SH2B1: variants seen among roughly 807,000 people sequenced by gnomAD.
SH2B1 encodes the protein SH2B adaptor protein 1.
In SH2B1, 15 loss-of-function variants were observed where a neutral mutation model predicts 62.6. The observed-to-expected ratio is 0.24, with a 90% CI of 0.16 to 0.37. The LOEUF is 0.37. SH2B1 is among the 10% of genes least tolerant of loss of function. The probability of loss-of-function intolerance (pLI) is 1.00; values close to 1 mark genes in which losing one functional copy is unlikely to be tolerated. For missense variants in SH2B1, 925 were observed against 1,015.6 expected (o/e 0.91, Z 1.21); for synonymous variants, 443 against 438.0 (o/e 1.01, Z -0.14).
chr16:28,873,325 G>C lies in SH2B1; in HGVS notation c.1898-122G>C. 1 of 1,592,804 alleles carries C rather than the reference G, an allele frequency of 6.3e-7. No homozygotes were observed. The highest frequency in any genetic ancestry group is 1.1e-5 in the South Asian group (1 of 89,954). On this transcript the variant is annotated intron_variant, in intron 7 of 7. Transcript: ENST00000684370. This position sits in a 1 kb window ranked among gnomAD's most constrained non-coding sequence, Gnocchi z 4.2. ...ATGATCCATCTTCCATGGATGGGGG[G>C]TTGCTCAGGAGATGGGATGTGGGGA...
intron 1 of SH2B1, among the ~76,000 whole-genome samples, chr16:28,852,705 T>C (rs1269962881): frequency 4.1e-5 from 3 of 73,402 alleles, no homozygotes; most frequent in African/African-American, 5.3e-5. Flanking sequence ...TATATATACA[T>C]ATATATTTAC....
chr16:28,873,653 G>A lies in SH2B1; in HGVS notation c.2104G>A (p.Val702Ile). The change falls in exon 8 of 8, where the codon GTT becomes ATT. Residue 702 changes from valine to isoleucine, a missense_variant. This residue lies in a region of SH2B1 where 185 missense variants were observed against 189.5 expected (regional missense o/e 0.98). Coordinates refer to ENST00000684370, the MANE Select transcript of SH2B1 (RefSeq NM_001387430.1). This position sits in a 1 kb window ranked among gnomAD's most constrained non-coding sequence, Gnocchi z 4.2. ...CCCCGTGGTTGAGCTGGTCCCCGTG[G>A]TTGAATTGGAAGAGGCCATAGCCCC... ...LVPVVELVPV[V>I]ELEEAIAPGS... 1 of 1,533,414 alleles carries A rather than the reference G, an allele frequency of 6.5e-7. No individual in the cohort carries two copies. Among genetic ancestry groups the A allele is most frequent in the East Asian group, 2.4e-5 (1 of 40,864 alleles). 95.0% of individuals were successfully genotyped at this position (1,533,414 alleles called of 1,614,324 possible). A position where few individuals can be genotyped will look rare whatever the true frequency, so the allele number is the denominator to read the frequency against.
At chr16:28,855,778 T>A (rs1278399557) in intron 1 of SH2B1, among the ~76,000 whole-genome samples, 6 of 149,132 alleles carry the variant, frequency 4.0e-5, no homozygotes, top group African/African-American at 1.5e-4. Flanking sequence ...TAGCTGGGAC[T>A]ACAGGCGCCC....
At chr16:28,852,813 TATTTAC>T (rs1962190995) in intron 1 of SH2B1, among the ~76,000 whole-genome samples, 1 of 59,542 alleles carries the variant, frequency 1.7e-5, no homozygotes, top group African/African-American at 7.6e-5. Flanking sequence ...TATTTACATA[TATTTAC>T]ATATATATTT....
upstream of SH2B1, chr16:28,863,836 C>T (rs551580533): frequency 2.6e-6 from 4 of 1,533,248 alleles, no homozygotes; most frequent in Middle Eastern, 1.9e-4. Context: ...GTCCTGACGC[C>T]TGCGCGGAAC....
chr16:28,872,903 C>G lies in SH2B1; in HGVS notation c.1897+198C>G. ...TGATAGGACACAGGAAGGCAGAAGG[C>G]TCCTGGCCGGAGCCGGGGCGGCAGC... On this transcript the variant is annotated intron_variant, in intron 7 of 7. Transcript: ENST00000684370. The surrounding 1 kb of genome is among the most constrained non-coding windows in gnomAD (Gnocchi z 5.3). 1 of 766,980 alleles carries G rather than the reference C, an allele frequency of 1.3e-6. No individual in the cohort carries two copies. The allele number at this position is 766,980 out of a possible 1,614,324, so 47.5% of individuals were successfully genotyped here.
At chr16:28,869,865 T>C (rs1962938450) in intron 4 of SH2B1, among the ~76,000 whole-genome samples, 1 of 152,188 alleles carries the variant, frequency 6.6e-6, no homozygotes, top group Non-Finnish European at 1.5e-5. Context: ...AACTCATATT[T>C]CTAGATTCGG....
rs1238491820 is a variant in SH2B1, at chr16:28,872,154, G to C, written c.1514-36G>C. The C allele has an allele frequency of 6.3e-7, 1 of 1,592,174 alleles. No individual in the cohort carries two copies. Among genetic ancestry groups the C allele is most frequent in the Non-Finnish European group, 8.6e-7 (1 of 1,164,916 alleles). ...CTCCCAGGATGGGGGAGGCTGCCCT[G>C]ACACCCCGGTTTCCCTCCCTCTCTC... On this transcript the variant is annotated intron_variant, in intron 5 of 7. Coordinates refer to ENST00000684370, the MANE Select transcript of SH2B1 (RefSeq NM_001387430.1). The surrounding 1 kb of genome is among the most constrained non-coding windows in gnomAD (Gnocchi z 5.3).
chr16:28,859,720 A>AG (rs1295846662), upstream of SH2B1, among the ~76,000 whole-genome samples: 6 of 151,928 alleles, frequency 3.9e-5, no homozygotes, highest in African/African-American at 4.8e-5. Flanking sequence ...GAAAAAAAAA[A>AG]AGAGAGAGAG....
At chr16:28,869,486 C>G in intron 4 of SH2B1, 103 bp downstream of exon 4, 2 of 1,093,348 alleles carry the variant, frequency 1.8e-6, no homozygotes, top group Non-Finnish European at 1.3e-6. Flanking sequence ...GCCCCCATCC[C>G]TGTTTTCCAG....
In SH2B1 at chr16:28,866,079, C is replaced by A; in HGVS notation, c.-16C>A. On this transcript the variant is annotated 5_prime_UTR_variant, in exon 1 of 8. Coordinates refer to ENST00000684370, the MANE Select transcript of SH2B1 (RefSeq NM_001387430.1). This position sits in a 1 kb window ranked among gnomAD's most constrained non-coding sequence, Gnocchi z 6.3. ...GTGCCCCACAGGCTCCCCCTCTCCACCTCCTGGGGCCCATCATGAATGGTG... is the reference window on the plus strand; with the variant it reads ...GTGCCCCACAGGCTCCCCCTCTCCAACTCCTGGGGCCCATCATGAATGGTG... 1 of 1,522,132 alleles carries A rather than the reference C, an allele frequency of 6.6e-7. No homozygotes were observed. 94.3% of individuals were successfully genotyped at this position (1,522,132 alleles called of 1,614,324 possible).
intron 1 of SH2B1, among the ~76,000 whole-genome samples, chr16:28,849,695 G>A (rs1260930045): frequency 1.3e-5 from 2 of 152,174 alleles, no homozygotes; most frequent in African/African-American, 2.4e-5. Flanking sequence ...GGGAGGTCGA[G>A]GCAGGCGGAT....
At chr16:28,848,414 G>T (rs1221842847) in intron 1 of SH2B1, among the ~76,000 whole-genome samples, 1 of 151,896 alleles carries the variant, frequency 6.6e-6, no homozygotes, top group Non-Finnish European at 1.5e-5. Flanking sequence ...CTCCACCCTG[G>T]GCGACACAGC....
chr16:28,873,572 A>G lies in SH2B1; in HGVS notation c.2023A>G (p.Lys675Glu), dbSNP rs1963169632. 1.3e-6 allele frequency: 2 copies of G among 1,589,982 alleles called. No individual in the cohort carries two copies. The highest frequency in any genetic ancestry group is 1.7e-6 in the Non-Finnish European group (2 of 1,168,670). ...GGCGGCAGCAGCAGCCGCAGCAGCC[A>G]AAGAGAGGCAAGAGAAAGAGAAAGC... ...EVAAAAAAAA[K>E]ERQEKEKAGG... The change falls in exon 8 of 8, where the codon AAA (lysine) becomes GAA (glutamate). Residue 675 changes from lysine (K) to glutamate (E), a missense_variant. By Grantham distance (56) the Lys-to-Glu change is moderately conservative. Transcript: ENST00000684370. The surrounding 1 kb of genome is among the most constrained non-coding windows in gnomAD (Gnocchi z 4.2).
At chr16:28,852,797 C>CATATATATTT (rs1962188410) in intron 1 of SH2B1, among the ~76,000 whole-genome samples, 2 of 60,952 alleles carry the variant, frequency 3.3e-5, no homozygotes, top group Non-Finnish European at 2.5e-5. Context: ...TATATATTTA[C>CATATATATTT]ATATATATTT....
chr16:28,864,827 C>G lies in SH2B1; in HGVS notation c.-1268C>G, dbSNP rs551791397. On this transcript the variant is annotated 5_prime_UTR_variant, in exon 1 of 8. Transcript: ENST00000684370. ...TTGGAACAATAATATTCTTCTCCCACATGAAGATAGTAACAATGGCAGTCG... is the reference window on the plus strand; with the variant it reads ...TTGGAACAATAATATTCTTCTCCCAGATGAAGATAGTAACAATGGCAGTCG... The G allele has an allele frequency of 2.8e-5, 8 of 289,454 alleles. No individual in the cohort carries two copies. Among genetic ancestry groups the G allele is most frequent in the African/African-American group, 1.6e-4 (7 of 44,036 alleles). The allele number at this position is 289,454 out of a possible 1,614,324, so 17.9% of individuals were successfully genotyped here.
At chr16:28,871,472 G>A (rs1442873243) in intron 4 of SH2B1, among the ~76,000 whole-genome samples, 2 of 152,202 alleles carry the variant, frequency 1.3e-5, no homozygotes, top group East Asian at 3.9e-4. Flanking sequence ...ACAAAAACAT[G>A]TATATATATA....
intron 1 of SH2B1, among the ~76,000 whole-genome samples, chr16:28,856,480 CTT>C (rs1962326731): frequency 6.6e-6 from 1 of 152,068 alleles, no homozygotes; most frequent in African/African-American, 2.4e-5. Context: ...TGGCCCTCAG[CTT>C]CATTATCTAC....
At chr16:28,863,104 T>C (rs1417117130), upstream of SH2B1, 2 of 151,876 alleles carry the variant, frequency 1.3e-5, no homozygotes, top group Admixed American at 1.3e-4. Flanking sequence ...CTAATTTTTG[T>C]ATTTTTAGTA....
Sources: allele counts gnomAD v4.1 joint callset (sites outside exome capture counted in the v4.1 genomes callset), GRCh38; gene constraint gnomAD v4.1.1; regional missense constraint gnomAD v4.1.1; non-coding constraint Gnocchi (gnomAD v3.1); transcripts MANE v1.5; gene names NCBI Gene and HGNC (gene_info 2026-07-23, HGNC 2026-07-21).